OPRM1: variants seen among roughly 807,000 people sequenced by gnomAD.
OPRM1 encodes mu-type opioid receptor.
A neutral mutation model predicts 31.8 loss-of-function variants in OPRM1; 27 were observed. That is an observed-to-expected ratio of 0.85 (90% CI 0.63 to 1.17). The LOEUF (loss-of-function observed/expected upper bound fraction) is 1.17. Ranked by LOEUF, OPRM1 falls within the 50% of genes most tolerant of loss-of-function variation. OPRM1 has a pLI of 0.00. For synonymous variants in OPRM1, 196 were observed against 189.9 expected (o/e 1.03, Z -0.26); for missense variants, 536 against 511.1 (o/e 1.05, Z -0.47).
intron 3 of OPRM1, among the ~76,000 whole-genome samples, chr6:154,176,683 T>C (rs1800361184): frequency 6.6e-6 from 1 of 152,102 alleles, no homozygotes; most frequent in Admixed American, 6.5e-5. Flanking sequence ...CACAAACAAA[T>C]AGAAGAACAT....
chr6:154,244,301 G>GGTGTGTGTGT (rs10674508), intron 3 of OPRM1, among the ~76,000 whole-genome samples: 8 of 147,960 alleles, frequency 5.4e-5, no homozygotes, highest in African/African-American at 1.7e-4. Context: ...TGTGTGGGTG[G>GGTGTGTGTGT]GTGTGTGTGT....
chr6:154,073,291 C>A (rs756041621), intron 1 of OPRM1, among the ~76,000 whole-genome samples: 24 of 152,224 alleles, frequency 1.6e-4, no homozygotes, highest in Middle Eastern at 3.4e-3. Flanking sequence ...ATCTTCCAGG[C>A]TAGACATAAG....
chr6:154,192,324 G>GTT (rs375048864), intron 3 of OPRM1, among the ~76,000 whole-genome samples: 10 of 125,346 alleles, frequency 8.0e-5, no homozygotes, highest in African/African-American at 1.9e-4. Context: ...GTTACTGTGT[G>GTT]TGTGTGTGTG....
At chr6:154,057,166 T>G (rs1161636973) in intron 1 of OPRM1, among the ~76,000 whole-genome samples, 2 of 152,182 alleles carry the variant, frequency 1.3e-5, no homozygotes, top group Non-Finnish European at 2.9e-5. Context: ...TTTTTGTGAG[T>G]CTAAACAGGG....
At chr6:154,210,809 T>G (rs1269222813) in intron 3 of OPRM1, among the ~76,000 whole-genome samples, 1 of 152,236 alleles carries the variant, frequency 6.6e-6, no homozygotes, top group Non-Finnish European at 1.5e-5. Flanking sequence ...TAATTTTGGC[T>G]AATCATATTT....
Position 154,089,915 on chromosome 6 carries a change from G to A in OPRM1, c.380G>A (p.Ser127Asn). 6.2e-7 allele frequency: 1 copy of A among 1,614,036 alleles called. No individual in the cohort carries two copies. The highest frequency in any genetic ancestry group is 8.5e-7 in the Non-Finnish European group (1 of 1,179,978). The change falls in exon 2 of 4, where the codon AGT (serine) becomes AAT (asparagine). Residue 127 changes from serine to asparagine, a missense_variant. Transcript: ENST00000330432. Reference sequence around the variant, plus strand: ...GCCACCAGTACCCTGCCCTTCCAGAGTGTGAATTACCTAATGGGAACATGG... The same window carrying A: ...GCCACCAGTACCCTGCCCTTCCAGAATGTGAATTACCTAATGGGAACATGG... ...ALATSTLPFQSVNYLMGTWPF... is the reference protein window; with the variant it reads ...ALATSTLPFQNVNYLMGTWPF...
intron 3 of OPRM1, among the ~76,000 whole-genome samples, chr6:154,219,778 CT>C (rs1339897215): frequency 6.6e-6 from 1 of 152,166 alleles, no homozygotes; most frequent in Non-Finnish European, 1.5e-5. Context: ...ATAGAAACAA[CT>C]TCTCTCTTTG....
At chr6:154,223,420 A>G (rs1390663716) in intron 3 of OPRM1, among the ~76,000 whole-genome samples, 2 of 152,220 alleles carry the variant, frequency 1.3e-5, no homozygotes, top group Non-Finnish European at 2.9e-5. Flanking sequence ...AGAAAGATTA[A>G]TGTTCTCCTG....
At chr6:154,228,144 C>G (rs550663166) in intron 3 of OPRM1, among the ~76,000 whole-genome samples, 8 of 152,112 alleles carry the variant, frequency 5.3e-5, no homozygotes. Context: ...TGGGATCCTT[C>G]TTCTTCAATT....
chr6:154,163,872 T>C (rs1321417046), intron 3 of OPRM1, among the ~76,000 whole-genome samples: 1 of 152,120 alleles, frequency 6.6e-6, no homozygotes, highest in Non-Finnish European at 1.5e-5. Flanking sequence ...GATAGACATA[T>C]AGATGGATAA....
At chr6:154,171,724 G>A (rs1360787181) in intron 3 of OPRM1, among the ~76,000 whole-genome samples, 1 of 152,178 alleles carries the variant, frequency 6.6e-6, no homozygotes, top group Non-Finnish European at 1.5e-5. Context: ...ACAGTCATGG[G>A]GTCAAGCTGG....
chr6:154,183,915 A>G (rs1256534291), intron 3 of OPRM1, among the ~76,000 whole-genome samples: 1 of 152,080 alleles, frequency 6.6e-6, no homozygotes, highest in East Asian at 1.9e-4. Context: ...AAAAAAACAA[A>G]AAACAAAGCA....
chr6:154,049,382 C>A (rs1488433314), intron 1 of OPRM1, among the ~76,000 whole-genome samples: 2 of 152,162 alleles, frequency 1.3e-5, no homozygotes, highest in Non-Finnish European at 2.9e-5. Flanking sequence ...AAGAAGACAG[C>A]AGAGCATTGC....
chr6:154,174,070 CTAAGCTTCA>C (rs1048084226), intron 3 of OPRM1, among the ~76,000 whole-genome samples: 5 of 152,140 alleles, frequency 3.3e-5, no homozygotes, highest in Admixed American at 1.3e-4. Flanking sequence ...TCCAGCCAAA[CTAAGCTTCA>C]TAAGTGAAGG....
intron 3 of OPRM1, among the ~76,000 whole-genome samples, chr6:154,212,242 G>A (rs1778020459): frequency 6.6e-6 from 1 of 152,100 alleles, no homozygotes; most frequent in African/African-American, 2.4e-5. Flanking sequence ...TACATTTGGT[G>A]CTTCCAAAGC....
chr6:154,060,687 T>C (rs927695896), intron 1 of OPRM1, among the ~76,000 whole-genome samples: 1 of 152,154 alleles, frequency 6.6e-6, no homozygotes, highest in African/African-American at 2.4e-5. Context: ...AATCAGTGGA[T>C]TTCTGCCTCC....
At position 154,109,008 on chromosome 6, in the gene OPRM1, G is replaced by C. The variant is rs1196882444; in HGVS notation, c.1165-9675G>C. On this transcript the variant is annotated intron_variant, in intron 3 of 3. Coordinates refer to ENST00000330432, the MANE Select transcript of OPRM1 (RefSeq NM_000914.5). The stretch of plus-strand genomic sequence containing the variant: ...ATGGACCAGCAATATGATGATAAAA[G>C]CCATCTAACCTGTTGGAATTATAGG... The C allele has an allele frequency of 3.0e-6, 3 of 985,010 alleles. No individual in the cohort carries two copies. In the African/African-American group the frequency reaches 5.2e-5, roughly 17 times the overall value. 61.0% of individuals were successfully genotyped at this position (985,010 alleles called of 1,614,324 possible).
At chr6:154,057,236 T>C (rs918241006) in intron 1 of OPRM1, among the ~76,000 whole-genome samples, 2 of 152,222 alleles carry the variant, frequency 1.3e-5, no homozygotes, top group African/African-American at 4.8e-5. Flanking sequence ...AAACATGAAC[T>C]ACGTTTGTTG....
chr6:154,200,588 G>A (rs182989181), intron 3 of OPRM1, among the ~76,000 whole-genome samples: 2 of 152,162 alleles, frequency 1.3e-5, no homozygotes, highest in African/African-American at 2.4e-5. Flanking sequence ...TGGCTTGGTG[G>A]CGCGCACCTG....
Sources: allele counts gnomAD v4.1 joint callset (sites outside exome capture counted in the v4.1 genomes callset), GRCh38; gene constraint gnomAD v4.1.1; transcripts MANE v1.5; gene names NCBI Gene and HGNC (gene_info 2026-07-23, HGNC 2026-07-21).